CLDN16: variants seen among roughly 807,000 people sequenced by gnomAD.
CLDN16 encodes claudin 16.
CLDN16 carries 13 observed loss-of-function variants against 24.6 expected under a neutral mutation model. The ratio of observed to expected loss-of-function variants is 0.53; its 90% CI spans 0.34 to 0.84. The LOEUF is 0.84. Ranked by LOEUF, CLDN16 falls within the 40% of genes least tolerant of loss-of-function variation. The probability of loss-of-function intolerance (pLI) is 0.01; values close to 1 mark genes in which losing one functional copy is unlikely to be tolerated. For missense variants in CLDN16, 298 were observed against 292.7 expected, an observed-to-expected ratio of 1.02 and a Z score of -0.13; for synonymous variants, 116 against 106.7, an observed-to-expected ratio of 1.09 and a Z score of -0.54.
chr3:190,346,203 T>C (rs551776917), intron 1 of CLDN16, among the ~76,000 whole-genome samples: 2 of 151,194 alleles, frequency 1.3e-5, no homozygotes, highest in South Asian at 2.1e-4. Flanking sequence ...GGGAACCACA[T>C]GTTAGAATGC....
rs539758920 is a variant in CLDN16, at chr3:190,337,728, A to G, written n.121+15067A>G. On this transcript the variant is annotated intron_variant and non_coding_transcript_variant, in intron 1 of 4. Transcript: ENST00000468220. ...CTGAGTAGTAGTGACACACATTCCT[A>G]GGATGTGTTTGCCTTTTCTACCAGT... Among the ~76,000 whole-genome samples the G allele has an allele frequency of 7.9e-5, 12 of 152,342 alleles. No individual in the cohort carries two copies. The South Asian group carries it at 2.5e-3, about 32-fold the overall frequency.
intron 1 of CLDN16, among the ~76,000 whole-genome samples, chr3:190,325,415 CTCT>C (rs1717040072): frequency 6.6e-6 from 1 of 152,136 alleles, no homozygotes; most frequent in South Asian, 2.1e-4. Context: ...CTGTGACTGT[CTCT>C]TCTTAATATC....
At chr3:190,394,707 C>T (rs1314802220) in intron 1 of CLDN16, among the ~76,000 whole-genome samples, 1 of 151,996 alleles carries the variant, frequency 6.6e-6, no homozygotes, top group African/African-American at 2.4e-5. Flanking sequence ...CTTAGCATAC[C>T]TGTTGAAAGA....
chr3:190,388,189 C>G lies in CLDN16; in HGVS notation c.-141C>G. 6.2e-7 allele frequency: 1 copy of G among 1,614,052 alleles called. No homozygotes were observed. The highest frequency in any genetic ancestry group is 8.5e-7 in the Non-Finnish European group (1 of 1,179,986). ...TTCTTACTGCAACTCAAGACACCTG[C>G]AGCAGGGCGTGAGAAAAAGTAAAAG... On this transcript the variant is annotated 5_prime_UTR_variant, in exon 1 of 5. Transcript: ENST00000264734.
At chr3:190,403,953 T>C (rs1052130052) in intron 2 of CLDN16, among the ~76,000 whole-genome samples, 1 of 152,172 alleles carries the variant, frequency 6.6e-6, no homozygotes, top group Non-Finnish European at 1.5e-5. Flanking sequence ...TAAATACTGT[T>C]ATATACATTT....
chr3:190,308,050 CA>C, the CLDN16 span: 2 of 492,864 alleles, frequency 4.1e-6, no homozygotes, highest in Non-Finnish European at 3.7e-6. Flanking sequence ...AGCAGTAATA[CA>C]AATGGAAAAA....
intron 1 of CLDN16, among the ~76,000 whole-genome samples, chr3:190,353,804 C>T (rs1247454100): frequency 6.6e-6 from 1 of 152,024 alleles, no homozygotes; most frequent in African/African-American, 2.4e-5. Flanking sequence ...TTTGCCTGTT[C>T]TTAACATTAT....
At chr3:190,346,009 T>C (rs910699108) in intron 1 of CLDN16, among the ~76,000 whole-genome samples, 2 of 152,094 alleles carry the variant, frequency 1.3e-5, no homozygotes, top group Non-Finnish European at 2.9e-5. Context: ...TTTTAGGTCT[T>C]ACAGTGTAAG....
intron 4 of CLDN16, 55 bp from the exon 5 acceptor site, chr3:190,409,848 T>C: frequency 1.3e-6 from 2 of 1,548,188 alleles, no homozygotes; most frequent in East Asian, 2.2e-5. Flanking sequence ...AATGGTATTT[T>C]ATAATTTTCC....
chr3:190,364,552 T>G (rs1035267318), intron 1 of CLDN16, among the ~76,000 whole-genome samples: 3 of 151,954 alleles, frequency 2.0e-5, no homozygotes, highest in African/African-American at 4.8e-5. Flanking sequence ...AAATGGTGTT[T>G]ACTTCTCTGC....
At chr3:190,292,069 C>T in the CLDN16 span, among the ~76,000 whole-genome samples, 3 of 152,126 alleles carry the variant, frequency 2.0e-5, no homozygotes, top group African/African-American at 7.2e-5. Context: ...TCTCATAGCT[C>T]CATTAGGCAG....
the CLDN16 span, among the ~76,000 whole-genome samples, chr3:190,315,185 A>G: frequency 6.6e-6 from 1 of 152,226 alleles, no homozygotes; most frequent in African/African-American, 2.4e-5. Flanking sequence ...CTTGGCAGGA[A>G]AATATTTCAG....
At chr3:190,308,464 G>A in the CLDN16 span, 2 of 1,611,050 alleles carry the variant, frequency 1.2e-6, no homozygotes, top group African/African-American at 2.7e-5. Flanking sequence ...CCATGTGCTT[G>A]TTAATCAGTG....
At chr3:190,299,009 C>T in the CLDN16 span, among the ~76,000 whole-genome samples, 1 of 152,078 alleles carries the variant, frequency 6.6e-6, no homozygotes, top group African/African-American at 2.4e-5. Flanking sequence ...TTTAAATTTA[C>T]AGTATAATGT....
chr3:190,350,344 T>TTA lies in CLDN16; in HGVS notation n.122-20528_122-20527dup, dbSNP rs10563626. ...AGTTTAAGAATCATAGTTCATAATG[T>TTA]TATATATATATATATATATATACTT... On this transcript the variant is annotated intron_variant and non_coding_transcript_variant, in intron 1 of 4. Coordinates refer to the CLDN16 transcript ENST00000468220. Among the ~76,000 whole-genome samples, 1,215 of 142,024 alleles carry TTA rather than the reference T, an allele frequency of 8.6e-3. 26 individuals are homozygous for TTA. Among genetic ancestry groups the TTA allele is most frequent in the South Asian group, 0.014 (62 of 4,574 alleles). The allele number at this position is 142,024 out of a possible 152,430, so 93.2% of individuals were successfully genotyped here.
chr3:190,408,190 G>T, intron 3 of CLDN16, 124 bp from the exon 4 acceptor site: 1 of 934,228 alleles, frequency 1.1e-6, no homozygotes, highest in Non-Finnish European at 1.8e-6. Context: ...GGTTGCCCAT[G>T]AATCCATGTT....
chr3:190,405,899 C>T (rs1719085116), intron 3 of CLDN16, among the ~76,000 whole-genome samples: 1 of 152,188 alleles, frequency 6.6e-6, no homozygotes, highest in Non-Finnish European at 1.5e-5. Context: ...GCTTAGTCCT[C>T]TTCTTTTGCA....
intron 1 of CLDN16, among the ~76,000 whole-genome samples, chr3:190,348,956 G>T (rs1577404881): frequency 6.6e-6 from 1 of 152,140 alleles, no homozygotes; most frequent in African/African-American, 2.4e-5. Flanking sequence ...TAAAGATAAT[G>T]GTCTTTAGCT....
intron 2 of CLDN16, among the ~76,000 whole-genome samples, chr3:190,404,370 A>G (rs1719036420): frequency 1.3e-5 from 2 of 152,108 alleles, no homozygotes; most frequent in Non-Finnish European, 2.9e-5. Flanking sequence ...TATTTATTCA[A>G]TATTTATTAA....
Sources: gnomAD v4.1 joint callset for allele counts (sites outside exome capture counted in the v4.1 genomes callset) on GRCh38, gnomAD v4.1.1 for gene constraint, MANE v1.5 for transcripts, NCBI Gene and HGNC (gene_info 2026-07-23, HGNC 2026-07-21) for gene names.